The following OSBPL8 variants were observed in gnomAD, a reference collection of about 807,000 sequenced individuals.
OSBPL8 encodes oxysterol binding protein like 8, also known as oxysterol-binding protein-related protein 8.
OSBPL8 carries 59 observed loss-of-function variants against 125.5 expected under a neutral mutation model. That is an observed-to-expected ratio of 0.47 (90% CI 0.38 to 0.58). OSBPL8 has a LOEUF of 0.58. Ranked by LOEUF, OSBPL8 falls within the 20% of genes least tolerant of loss-of-function variation. The probability of loss-of-function intolerance (pLI) is 0.00; values close to 1 mark genes in which losing one functional copy is unlikely to be tolerated. For synonymous variants in OSBPL8, 330 were observed against 338.9 expected (o/e 0.97, Z 0.29); for missense variants, 758 against 1,047.8 (o/e 0.72, Z 3.82).
intron 4 of OSBPL8, among the ~76,000 whole-genome samples, chr12:76,417,760 T>G (rs1015773972): frequency 1.3e-5 from 2 of 152,190 alleles, no homozygotes; most frequent in Non-Finnish European, 2.9e-5. Context: ...GCATTTATGT[T>G]TTTAAAAACC....
chr12:76,518,370 G>C (rs144567173), intron 1 of OSBPL8, among the ~76,000 whole-genome samples: 164 of 152,334 alleles, frequency 1.1e-3, no homozygotes, highest in African/African-American at 3.6e-3. Flanking sequence ...TACCACTGTG[G>C]CTTTGCAGGG....
chr12:76,489,151 G>T (rs1395687518), intron 1 of OSBPL8, among the ~76,000 whole-genome samples: 1 of 152,168 alleles, frequency 6.6e-6, no homozygotes. Context: ...AGCCAGCAGA[G>T]GTTGGTTCAT....
Position 76,517,266 on chromosome 12 carries a change from G to A in OSBPL8, c.-67-29648C>T, listed in dbSNP as rs151270688. Among the ~76,000 whole-genome samples, 692 of 152,216 alleles carry A rather than the reference G, an allele frequency of 4.5e-3. 6 individuals are homozygous for A. Among genetic ancestry groups the A allele is most frequent in the African/African-American group, 0.016 (663 of 41,510 alleles). On this transcript the variant is annotated intron_variant, in intron 1 of 23. Coordinates refer to ENST00000261183, the MANE Select transcript of OSBPL8 (RefSeq NM_020841.5). ...ATTCTATAGCAAAAATAAACAAGAG[G>A]TGGGGGGTGTGGAGGTAAGAGGCCT...
chr12:76,525,887 T>C (rs1950157736), intron 1 of OSBPL8, among the ~76,000 whole-genome samples: 1 of 152,250 alleles, frequency 6.6e-6, no homozygotes, highest in Non-Finnish European at 1.5e-5. Flanking sequence ...TTCACTGAAC[T>C]AGTATTTTTG....
intron 4 of OSBPL8, among the ~76,000 whole-genome samples, chr12:76,437,452 G>A (rs1871602651): frequency 6.6e-6 from 1 of 152,138 alleles, no homozygotes; most frequent in African/African-American, 2.4e-5. Context: ...TCTTCTGTTA[G>A]GTATCTATTC....
chr12:76,556,373 C>T (rs994154239), intron 1 of OSBPL8, among the ~76,000 whole-genome samples: 7 of 152,144 alleles, frequency 4.6e-5, no homozygotes, highest in African/African-American at 1.7e-4. Flanking sequence ...CTTGATAACA[C>T]TTTTCAGGAA....
At chr12:76,366,449 CTGA>C (rs1305975208) in intron 21 of OSBPL8, 1 of 324,570 alleles carries the variant, frequency 3.1e-6, no homozygotes. Flanking sequence ...CTTAGCCTAG[CTGA>C]TGGTTTATCG....
chr12:76,376,331 C>G (rs1213400764), intron 16 of OSBPL8, among the ~76,000 whole-genome samples: 1 of 152,182 alleles, frequency 6.6e-6, no homozygotes, highest in Non-Finnish European at 1.5e-5. Context: ...ATGCAATGTA[C>G]AATATTATCT....
intron 4 of OSBPL8, among the ~76,000 whole-genome samples, chr12:76,430,189 G>T (rs886629319): frequency 6.6e-6 from 1 of 152,072 alleles, no homozygotes; most frequent in Non-Finnish European, 1.5e-5. Flanking sequence ...ATTGACTGAG[G>T]CCCTTCTGAA....
intron 1 of OSBPL8, among the ~76,000 whole-genome samples, chr12:76,491,090 A>C (rs1178969138): frequency 6.6e-6 from 1 of 151,936 alleles, no homozygotes; most frequent in Non-Finnish European, 1.5e-5. Context: ...TCACTCACTC[A>C]CTCCCTCTCA....
At chr12:76,500,903 G>C (rs570592397) in intron 1 of OSBPL8, among the ~76,000 whole-genome samples, 1 of 152,128 alleles carries the variant, frequency 6.6e-6, no homozygotes, top group Non-Finnish European at 1.5e-5. Flanking sequence ...AAGTCATTCT[G>C]CTAACGTTTG....
At chr12:76,455,503 C>T (rs982165295) in intron 3 of OSBPL8, among the ~76,000 whole-genome samples, 2 of 152,146 alleles carry the variant, frequency 1.3e-5, no homozygotes, top group African/African-American at 4.8e-5. Flanking sequence ...ACAGCCTGAA[C>T]TGTAAAGTTA....
intron 4 of OSBPL8, among the ~76,000 whole-genome samples, chr12:76,436,496 G>A (rs74103449): frequency 0.025 from 3,688 of 147,634 alleles, 132 homozygotes; most frequent in African/African-American, 0.083. Flanking sequence ...CTGCATTTTC[G>A]TCTTAATAAG....
At chr12:76,375,938 G>A (rs764775891) in intron 16 of OSBPL8, among the ~76,000 whole-genome samples, 34 of 152,096 alleles carry the variant, frequency 2.2e-4, no homozygotes, top group Non-Finnish European at 4.0e-4. Context: ...TTAGGCTTTA[G>A]TTCTGTTGGC....
intron 1 of OSBPL8, among the ~76,000 whole-genome samples, chr12:76,512,457 C>T (rs1413223471): frequency 6.6e-6 from 1 of 152,106 alleles, no homozygotes; most frequent in African/African-American, 2.4e-5. Context: ...TTTCCCATTG[C>T]TTGTTTTTGT....
chr12:76,397,981 C>A, intron 7 of OSBPL8, 84 bp from the exon 8 acceptor site: 1 of 1,185,038 alleles, frequency 8.4e-7, no homozygotes, highest in South Asian at 1.4e-5. Context: ...ATGTTTTAAT[C>A]TAAAATTTCC....
At chr12:76,468,462 A>C (rs1237526120) in intron 2 of OSBPL8, among the ~76,000 whole-genome samples, 3 of 152,192 alleles carry the variant, frequency 2.0e-5, no homozygotes, top group African/African-American at 7.2e-5. Context: ...CAATAGCTTG[A>C]AATTTTTATA....
intron 2 of OSBPL8, among the ~76,000 whole-genome samples, chr12:76,485,371 A>T (rs1878016483): frequency 6.6e-6 from 1 of 152,080 alleles, no homozygotes; most frequent in Non-Finnish European, 1.5e-5. Flanking sequence ...TGGGAGTTTG[A>T]GACCATCCTG....
chr12:76,513,043 T>A (rs1881163958), intron 1 of OSBPL8, among the ~76,000 whole-genome samples: 1 of 152,250 alleles, frequency 6.6e-6, no homozygotes, highest in Non-Finnish European at 1.5e-5. Context: ...CCTTAAACTT[T>A]GCTGAACTTA....
Sources: gnomAD v4.1 joint callset for allele counts (sites outside exome capture counted in the v4.1 genomes callset) on GRCh38, gnomAD v4.1.1 for gene constraint, MANE v1.5 for transcripts, NCBI Gene and HGNC (gene_info 2026-07-23, HGNC 2026-07-21) for gene names.